The following LVRN variants were observed in gnomAD, a reference collection of about 807,000 sequenced individuals.
The protein encoded by LVRN is aminopeptidase Q.
A neutral mutation model predicts 111.4 loss-of-function variants in LVRN; 99 were observed. The observed-to-expected ratio is 0.89, with a 90% CI of 0.76 to 1.05. LVRN has a LOEUF of 1.05. LVRN is among the 50% of genes least tolerant of loss of function. LVRN has a pLI of 0.00. For synonymous variants in LVRN, 488 were observed against 449.5 expected, an observed-to-expected ratio of 1.09 and a Z score of -1.08; for missense variants, 1,414 against 1,206.8, an observed-to-expected ratio of 1.17 and a Z score of -2.54.
chr5:115,981,211 A>G (rs1365988080), intron 1 of LVRN, among the ~76,000 whole-genome samples: 1 of 152,174 alleles, frequency 6.6e-6, no homozygotes, highest in African/African-American at 2.4e-5. Context: ...AGTACTTTAT[A>G]TTCTTTTGCA....
intron 15 of LVRN, 82 bp downstream of exon 15, chr5:116,012,550 A>C (rs755538172): frequency 4.7e-5 from 40 of 844,656 alleles, no homozygotes; most frequent in Non-Finnish European, 7.3e-5. Context: ...TAAAATCTTC[A>C]TATCTGTTAT....
At chr5:115,993,028 G>T (rs1223315303) in intron 5 of LVRN, among the ~76,000 whole-genome samples, 1 of 152,168 alleles carries the variant, frequency 6.6e-6, no homozygotes, top group East Asian at 1.9e-4. Context: ...GTTTTATTAA[G>T]TCACCCGAAG....
chr5:115,967,974 G>A (rs1753237769), intron 1 of LVRN, among the ~76,000 whole-genome samples: 1 of 152,102 alleles, frequency 6.6e-6, no homozygotes, highest in Non-Finnish European at 1.5e-5. Flanking sequence ...AGAGCTTTGT[G>A]TGTTTTATTT....
At position 115,963,215 on chromosome 5, in the gene LVRN, A is replaced by G; in HGVS notation, c.598A>G (p.Ser200Gly). The change falls in exon 1 of 20, where the codon AGC (serine) becomes GGC (glycine). Residue 200 changes from serine (S) to glycine (G), a missense_variant. By Grantham distance (56) the Ser-to-Gly change is moderately conservative. Coordinates refer to ENST00000357872, the MANE Select transcript of LVRN (RefSeq NM_173800.5). ...LELSEPLKPG[S>G]SYELQLSFSG... ...GCTCAGTGAGCCCCTGAAACCTGGT[A>G]GCAGCTACGAGCTGCAGCTTAGCTT... 2.5e-6 allele frequency: 4 copies of G among 1,612,848 alleles called. No homozygotes were observed. The highest frequency in any genetic ancestry group is 3.4e-6 in the Non-Finnish European group (4 of 1,179,860).
chr5:116,005,248 C>T (rs1748335097), intron 12 of LVRN, among the ~76,000 whole-genome samples: 1 of 152,184 alleles, frequency 6.6e-6, no homozygotes, highest in Non-Finnish European at 1.5e-5. Context: ...AGTTTTTGAA[C>T]CAAACATATC....
chr5:116,024,426 C>A (rs976715373), intron 19 of LVRN, among the ~76,000 whole-genome samples: 1 of 152,048 alleles, frequency 6.6e-6, no homozygotes, highest in Admixed American at 6.6e-5. Context: ...TCATTGTTAT[C>A]ATGAGAGAAG....
chr5:115,969,901 G>A (rs1022652807), intron 1 of LVRN, among the ~76,000 whole-genome samples: 1 of 149,728 alleles, frequency 6.7e-6, no homozygotes, highest in Non-Finnish European at 1.5e-5. Context: ...TAATATCCTT[G>A]AGCATATTAG....
chr5:115,968,436 CCT>C (rs1491344618), intron 1 of LVRN, among the ~76,000 whole-genome samples: 3 of 105,960 alleles, frequency 2.8e-5, no homozygotes, highest in Non-Finnish European at 5.4e-5. Flanking sequence ...AGTTCCCCAC[CCT>C]TTTTTTTTTT....
At chr5:116,009,836 C>G (rs1435627611) in intron 13 of LVRN, among the ~76,000 whole-genome samples, 1 of 152,140 alleles carries the variant, frequency 6.6e-6, no homozygotes, top group Non-Finnish European at 1.5e-5. Context: ...GGTGAAGAAG[C>G]TATGACCATT....
intron 3 of LVRN, among the ~76,000 whole-genome samples, chr5:115,985,162 C>A (rs1393049927): frequency 3.9e-5 from 6 of 152,078 alleles, no homozygotes; most frequent in African/African-American, 7.2e-5. Context: ...CAGCCAGGAA[C>A]AACTGCTATG....
rs1748431407 is a variant in LVRN at position 116,008,844 on chromosome 5, A to C, written c.2094-1897A>C. On this transcript the variant is annotated intron_variant, in intron 13 of 19. Coordinates refer to ENST00000357872, the MANE Select transcript of LVRN (RefSeq NM_173800.5). ...AAGGAAAGAAGCCATCTCCATAACA[A>C]AGTACAAGGTGAAACAGCAAATGTT... Among the ~76,000 whole-genome samples the C allele has an allele frequency of 2.0e-5, 3 of 152,344 alleles. No individual in the cohort carries two copies. In the South Asian group the frequency reaches 6.2e-4, roughly 32 times the overall value.
chr5:115,987,410 T>C (rs1026025208), intron 3 of LVRN, among the ~76,000 whole-genome samples: 4 of 152,324 alleles, frequency 2.6e-5, no homozygotes, highest in South Asian at 2.1e-4. Flanking sequence ...TGTACCATAC[T>C]ATATAACCCC....
intron 13 of LVRN, chr5:116,010,497 G>A (rs1371335702): frequency 3.6e-6 from 2 of 553,732 alleles, no homozygotes; most frequent in Non-Finnish European, 6.9e-6. Flanking sequence ...TCCAACATTT[G>A]GCCTGAATTT....
chr5:116,009,855 G>C (rs931670649), intron 13 of LVRN, among the ~76,000 whole-genome samples: 1 of 152,160 alleles, frequency 6.6e-6, no homozygotes, highest in Non-Finnish European at 1.5e-5. Flanking sequence ...TTGCTGAAAT[G>C]ACAACAAAGG....
intron 18 of LVRN, among the ~76,000 whole-genome samples, chr5:116,020,815 G>T (rs1262424409): frequency 1.3e-5 from 2 of 152,144 alleles, no homozygotes; most frequent in Non-Finnish European, 2.9e-5. Context: ...AGAAGGAGAG[G>T]CAGAAAGGTG....
chr5:115,988,486 G>A (rs953705637), intron 4 of LVRN, among the ~76,000 whole-genome samples: 1 of 152,150 alleles, frequency 6.6e-6, no homozygotes, highest in Non-Finnish European at 1.5e-5. Flanking sequence ...TCATAGATCT[G>A]TGTGGTATGT....
At chr5:115,982,450 G>T (rs1418314947) in intron 1 of LVRN, among the ~76,000 whole-genome samples, 1 of 152,140 alleles carries the variant, frequency 6.6e-6, no homozygotes, top group African/African-American at 2.4e-5. Context: ...ATCCACAGTT[G>T]TCATCTAAAG....
At chr5:115,997,661 A>C (rs1168350175) in intron 6 of LVRN, among the ~76,000 whole-genome samples, 1 of 142,922 alleles carries the variant, frequency 7.0e-6, no homozygotes, top group Non-Finnish European at 1.5e-5. Context: ...GAGACTCTCC[A>C]AAAAAAAAAA....
At chr5:116,000,733 G>T in intron 9 of LVRN, 75 bp downstream of exon 9, 1 of 1,458,652 alleles carries the variant, frequency 6.9e-7, no homozygotes. Flanking sequence ...GAGGCCATGG[G>T]TGAATGGCAG....
Sources: allele counts gnomAD v4.1 joint callset (sites outside exome capture counted in the v4.1 genomes callset), GRCh38; gene constraint gnomAD v4.1.1; transcripts MANE v1.5; gene names NCBI Gene and HGNC (gene_info 2026-07-23, HGNC 2026-07-21).